Variants in FCHO2 observed in about 807,000 individuals in gnomAD.
FCHO2 encodes the protein F-BAR domain only protein 2.
A neutral mutation model predicts 114.1 loss-of-function variants in FCHO2; 43 were observed. The ratio of observed to expected loss-of-function variants is 0.38; its 90% CI spans 0.30 to 0.49. The LOEUF (loss-of-function observed/expected upper bound fraction) is 0.49, where lower values mean the gene tolerates loss of function less well. Among genes scored for constraint, FCHO2 ranks in the 20% least tolerant of loss-of-function variants. The pLI, the probability that FCHO2 is intolerant of heterozygous loss-of-function variation, is 0.97. For synonymous variants in FCHO2, 293 were observed against 315.2 expected, an observed-to-expected ratio of 0.93 and a Z score of 0.75; for missense variants, 807 against 950.4, an observed-to-expected ratio of 0.85 and a Z score of 1.98.
chr5:73,052,004 G>A (rs530899405), intron 12 of FCHO2, among the ~76,000 whole-genome samples: 1 of 152,168 alleles, frequency 6.6e-6, no homozygotes, highest in Non-Finnish European at 1.5e-5. Flanking sequence ...GCTCACTGCA[G>A]CCTCCTACTC....
intron 19 of FCHO2, among the ~76,000 whole-genome samples, chr5:73,071,026 T>A (rs559780391): frequency 6.6e-6 from 1 of 152,150 alleles, no homozygotes; most frequent in East Asian, 1.9e-4. Flanking sequence ...TATCCAACTT[T>A]TCCTTTTCCA....
chr5:72,959,784 T>C (rs939766219), intron 1 of FCHO2, among the ~76,000 whole-genome samples: 25 of 151,366 alleles, frequency 1.7e-4, no homozygotes, highest in East Asian at 3.9e-4. Context: ...TCTTTCTTTT[T>C]TTTTTTTTTT....
Position 73,087,671 on chromosome 5 carries a change from G to A in FCHO2, c.2328G>A (p.Glu776=). ...CACTTGCAGTACAATTCCTCAGCGAGGGAAGTACCCTTTCAGGAGTAGATT... is the reference window on the plus strand; with the variant it reads ...CACTTGCAGTACAATTCCTCAGCGAAGGAAGTACCCTTTCAGGAGTAGATT... The part of the protein sequence containing the change: ...PTTLAVQFLS[E]GSTLSGVDFE... The change falls in exon 25 of 26, where the codon GAG becomes GAA. Residue 776 remains glutamate, a synonymous_variant. Coordinates refer to ENST00000430046, the MANE Select transcript of FCHO2 (RefSeq NM_138782.3). 2.5e-6 allele frequency: 4 copies of A among 1,613,874 alleles called. No individual in the cohort carries two copies. The highest frequency in any genetic ancestry group is 3.4e-6 in the Non-Finnish European group (4 of 1,179,824).
intron 5 of FCHO2, among the ~76,000 whole-genome samples, chr5:72,994,658 T>G (rs1753984579): frequency 6.6e-6 from 1 of 152,210 alleles, no homozygotes; most frequent in African/African-American, 2.4e-5. Context: ...ATATAAATCG[T>G]TGTACCATAA....
At chr5:73,015,844 A>C (rs912212621) in intron 7 of FCHO2, 120 bp downstream of exon 7, 40 of 477,734 alleles carry the variant, frequency 8.4e-5, no homozygotes, top group African/African-American at 7.6e-4. Flanking sequence ...TTTCCAAATA[A>C]AGAATATGTA....
Position 73,052,365 on chromosome 5 carries a change from A to G in FCHO2, c.1031A>G (p.Asp344Gly). 1 of 1,609,236 alleles carries G rather than the reference A, an allele frequency of 6.2e-7. No homozygotes were observed. The highest frequency in any genetic ancestry group is 8.5e-7 in the Non-Finnish European group (1 of 1,177,584). Residue 344 changes from aspartate to glycine, a missense_variant, in exon 13 of 26, where the codon GAT becomes GGT. Asp to Gly is a moderately conservative substitution (Grantham distance 94). Coordinates refer to ENST00000430046, the MANE Select transcript of FCHO2 (RefSeq NM_138782.3). ...GAGAACCATTTCTACTCATCTAGTG[A>G]TTCTGACTCCGAAGATGAAGAACCA... is the stretch of plus-strand genomic sequence containing the variant. ...TKENHFYSSS[D>G]SDSEDEEPKK...
intron 2 of FCHO2, 33 bp downstream of exon 2, chr5:72,968,622 C>T (rs1303829849): frequency 1.4e-6 from 2 of 1,380,680 alleles, no homozygotes; most frequent in Non-Finnish European, 1.9e-6. Flanking sequence ...ATTTGTTTAA[C>T]AACTTAATAG....
At chr5:73,037,835 C>T in intron 10 of FCHO2, 1 of 355,444 alleles carries the variant, frequency 2.8e-6, no homozygotes, top group East Asian at 1.2e-4. Context: ...TGGCTTACTG[C>T]ATTCTCCACC....
intron 10 of FCHO2, among the ~76,000 whole-genome samples, chr5:73,039,198 C>A (rs1197431031): frequency 6.6e-6 from 1 of 152,188 alleles, no homozygotes. Context: ...ATGCCAGAGG[C>A]TCTTGGCATG....
chr5:72,961,102 T>C (rs1751835610), intron 1 of FCHO2, among the ~76,000 whole-genome samples: 2 of 152,164 alleles, frequency 1.3e-5, no homozygotes, highest in South Asian at 2.1e-4. Flanking sequence ...ATTGAAACAT[T>C]GGTTATATAC....
At chr5:72,992,871 A>G (rs1302357058) in intron 5 of FCHO2, among the ~76,000 whole-genome samples, 1 of 152,086 alleles carries the variant, frequency 6.6e-6, no homozygotes, top group Non-Finnish European at 1.5e-5. Context: ...ATAAAGCATA[A>G]CACAATTCTA....
At chr5:73,020,809 G>A (rs1380870076) in intron 8 of FCHO2, 26 of 926,868 alleles carry the variant, frequency 2.8e-5, no homozygotes, top group Non-Finnish European at 4.5e-5. Flanking sequence ...CTCTTGAATG[G>A]TCCTGTCTGC....
intron 5 of FCHO2, among the ~76,000 whole-genome samples, chr5:73,005,917 G>A (rs1004922307): frequency 6.6e-6 from 1 of 152,050 alleles, no homozygotes; most frequent in Non-Finnish European, 1.5e-5. Flanking sequence ...GGAGCATAAT[G>A]GAAGCTGAGA....
Position 73,077,386 on chromosome 5 carries a change from A to C in FCHO2, c.1740A>C (p.Gly580=). 1 of 1,588,430 alleles carries C rather than the reference A, an allele frequency of 6.3e-7. No individual in the cohort carries two copies. Among genetic ancestry groups the C allele is most frequent in the East Asian group, 2.3e-5 (1 of 44,174 alleles). ...ATATGACAATGTCATTTCCAAGTGG[A>C]ATTATTAAAGTCTTCACCAGCAATC... The part of the protein sequence containing the change: ...TGDMTMSFPS[G]IIKVFTSNPT... Residue 580 remains glycine, a synonymous_variant, in exon 21 of 26, where the codon GGA becomes GGC. Coordinates refer to ENST00000430046, the MANE Select transcript of FCHO2 (RefSeq NM_138782.3).
In FCHO2 at chr5:73,035,691, AAGGGTTTC is replaced by A. The variant is rs1445960035; in HGVS notation, c.841+992_841+999del. 4.6e-5 allele frequency among the ~76,000 whole-genome samples: 7 copies of A among 152,088 alleles called. No homozygotes were observed. The East Asian group carries it at 1.4e-3, about 30-fold the overall frequency. On this transcript the variant is annotated intron_variant, in intron 9 of 25. Coordinates refer to ENST00000430046, the MANE Select transcript of FCHO2 (RefSeq NM_138782.3). The stretch of plus-strand genomic sequence containing the variant: ...CTAACTTTTGTATTTTTTTTAGAGA[AAGGGTTTC>A]ACCATGTTGGCTAGGCTGGTCTTGA...
At chr5:72,962,928 T>C (rs970647023) in intron 1 of FCHO2, among the ~76,000 whole-genome samples, 20 of 151,572 alleles carry the variant, frequency 1.3e-4, no homozygotes, top group Non-Finnish European at 4.4e-5. Context: ...AGAATTTTAG[T>C]AGCAATCTGG....
At chr5:73,063,801 C>G in intron 17 of FCHO2, 40 bp from the exon 18 acceptor site, 1 of 1,546,778 alleles carries the variant, frequency 6.5e-7, no homozygotes, top group Non-Finnish European at 8.9e-7. Flanking sequence ...TTGCTACATA[C>G]TAATGATTTT....
chr5:72,987,482 C>T (rs555284192), intron 2 of FCHO2, among the ~76,000 whole-genome samples: 13 of 152,222 alleles, frequency 8.5e-5, no homozygotes, highest in African/African-American at 3.1e-4. Context: ...GGATTACAGG[C>T]ACCCACCACC....
chr5:73,060,876 T>C (rs1294527809), intron 17 of FCHO2, among the ~76,000 whole-genome samples: 3 of 151,976 alleles, frequency 2.0e-5, no homozygotes, highest in African/African-American at 7.2e-5. Context: ...ATGTCAGATA[T>C]GAATATATAT....
Sources: gnomAD v4.1 joint callset for allele counts (sites outside exome capture counted in the v4.1 genomes callset) on GRCh38, gnomAD v4.1.1 for gene constraint, MANE v1.5 for transcripts, NCBI Gene and HGNC (gene_info 2026-07-23, HGNC 2026-07-21) for gene names.